The following EMC1 variants were observed in gnomAD, a reference collection of about 807,000 sequenced individuals.
EMC1 encodes the protein KIAA0090.
EMC1 carries 103 observed loss-of-function variants against 128.8 expected under a neutral mutation model. The ratio of observed to expected loss-of-function variants is 0.80; its 90% CI spans 0.68 to 0.94. The LOEUF (loss-of-function observed/expected upper bound fraction) is 0.94. Among genes scored for constraint, EMC1 ranks in the 40% least tolerant of loss-of-function variants. The probability of loss-of-function intolerance (pLI) is 0.00; values close to 1 mark genes in which losing one functional copy is unlikely to be tolerated. For missense variants in EMC1, 1,083 were observed against 1,250.6 expected (o/e 0.87, Z 2.02); for synonymous variants, 442 against 490.4 (o/e 0.90, Z 1.30).
At position 19,227,291 on chromosome 1, in the gene EMC1, C is replaced by G. The variant is rs184910940; in HGVS notation, c.2202+22G>C. 5.0e-6 allele frequency: 8 copies of G among 1,613,786 alleles called. 1 individual carries two copies. The East Asian group carries it at 1.6e-4, about 31-fold the overall frequency. ...CTGATTCGAAAGCCCTTGCTGTAGA[C>G]CAGACAGCTGGCTGTATGTACCTTG... On this transcript the variant is annotated intron_variant, in intron 18 of 22. Transcript: ENST00000477853.
chr1:19,236,566 G>C (rs138756544), intron 12 of EMC1, among the ~76,000 whole-genome samples: 447 of 150,778 alleles, frequency 3.0e-3, no homozygotes, highest in Non-Finnish European at 4.9e-3. Flanking sequence ...TGAGGCAGGA[G>C]AATCACTTAA....
At chr1:19,239,613 G>C (rs552377208) in intron 8 of EMC1, 73 of 595,592 alleles carry the variant, frequency 1.2e-4, no homozygotes, top group Non-Finnish European at 2.4e-5. Flanking sequence ...CACTAGTTTT[G>C]CTCTAAAGAT....
chr1:19,239,919 C>T lies in EMC1; in HGVS notation c.853G>A (p.Asp285Asn), dbSNP rs1428914211. The change falls in exon 8 of 23, where the codon GAC becomes AAC. Residue 285 changes from aspartate (D) to asparagine (N), a missense_variant. Transcript: ENST00000477853. The part of the protein sequence containing the change: ...RVLPTQPNPV[D>N]ASRAQFFLHL... ...AGGAAGAACTGGGCCCGGGAAGCGT[C>T]CACTGGGTTGGGCTGGGTAGGCAGG... is the stretch of plus-strand genomic sequence containing the variant. The T allele has an allele frequency of 9.3e-6, 15 of 1,614,084 alleles. No homozygotes were observed. The highest frequency in any genetic ancestry group is 1.1e-5 in the Non-Finnish European group (13 of 1,179,978).
intron 1 of EMC1, among the ~76,000 whole-genome samples, chr1:19,245,466 A>C (rs1219259850): frequency 1.3e-5 from 2 of 152,094 alleles, no homozygotes; most frequent in Non-Finnish European, 2.9e-5. Context: ...TTTGTTAGTG[A>C]AGAGCTCTGA....
intron 17 of EMC1, among the ~76,000 whole-genome samples, chr1:19,230,192 T>A (rs2093508997): frequency 1.3e-5 from 2 of 152,046 alleles, no homozygotes; most frequent in Non-Finnish European, 2.9e-5. Flanking sequence ...ATCATCTTCA[T>A]ATAAAAGTAC....
chr1:19,230,548 C>T (rs1415214263), intron 17 of EMC1, among the ~76,000 whole-genome samples: 3 of 151,290 alleles, frequency 2.0e-5, no homozygotes, highest in Admixed American at 6.6e-5. Context: ...CCAGCCCGGG[C>T]GACAGTGCAA....
At chr1:19,241,410 A>G (rs2093604863) in intron 5 of EMC1, among the ~76,000 whole-genome samples, 1 of 152,238 alleles carries the variant, frequency 6.6e-6, no homozygotes, top group Non-Finnish European at 1.5e-5. Context: ...ACAGAGCACC[A>G]ATCAGGTGGG....
rs994800826 is a variant in EMC1 at position 19,222,801 on chromosome 1, C to T, written c.2410G>A (p.Glu804Lys). The T allele has an allele frequency of 2.2e-5, 35 of 1,612,814 alleles. No homozygotes were observed. The highest frequency in any genetic ancestry group is 2.8e-5 in the Non-Finnish European group (33 of 1,179,190). Residue 804 changes from glutamate to lysine, a missense_variant, in exon 20 of 23, where the codon GAG (glutamate) becomes AAG (lysine). Physicochemically the swap from Glu to Lys is moderately conservative, Grantham distance 56. Around this residue, in one of 3 missense-constraint regions of EMC1, gnomAD observed 527 missense variants for 644.1 expected, o/e 0.82. Transcript: ENST00000477853. The part of the protein sequence containing the change: ...QYWNTKARRN[E>K]FTVLELYEGT... ...TCATAGAGCTCCAGTACGGTAAACTCGTTGCGCCGAGCCTTGGTGTTCCAG... is the reference window on the plus strand; with the variant it reads ...TCATAGAGCTCCAGTACGGTAAACTTGTTGCGCCGAGCCTTGGTGTTCCAG...
In EMC1 at chr1:19,227,476, A is replaced by G. The variant is rs138291577; in HGVS notation, c.2065-26T>C. 1.3e-4 allele frequency: 217 copies of G among 1,613,966 alleles called. No homozygotes were observed. In the African/African-American group the frequency reaches 2.4e-3, roughly 18 times the overall value. On this transcript the variant is annotated intron_variant, in intron 17 of 22. Transcript: ENST00000477853. ...CTAGGGCAGGGGCAAAAAAGCCTGT[A>G]ATCAGGAGGGTACACTTAGAACTGA...
chr1:19,219,534 A>G (rs773451001), intron 22 of EMC1, 35 bp downstream of exon 22: 2 of 1,613,996 alleles, frequency 1.2e-6, no homozygotes, highest in Non-Finnish European at 1.7e-6. Flanking sequence ...ATGATCCACC[A>G]AGGGTGAAAT....
chr1:19,250,061 T>A (rs1256554679), intron 1 of EMC1, among the ~76,000 whole-genome samples: 1 of 150,754 alleles, frequency 6.6e-6, no homozygotes. Flanking sequence ...CTACCAAAAA[T>A]ACAAAAATTA....
At chr1:19,224,031 C>T (rs2093452338) in intron 18 of EMC1, among the ~76,000 whole-genome samples, 1 of 152,216 alleles carries the variant, frequency 6.6e-6, no homozygotes, top group African/African-American at 2.4e-5. Context: ...ACTAGTACCA[C>T]GTGACGCAGG....
In EMC1 at chr1:19,218,188, A is replaced by C. The variant is rs1236156288; in HGVS notation, c.*1115T>G. On this transcript the variant is annotated 3_prime_UTR_variant, in exon 23 of 23. Coordinates refer to ENST00000477853, the MANE Select transcript of EMC1 (RefSeq NM_015047.3). ...TACATACATTTCACAACAAAGAAAA[A>C]TTCTGTCATTCCCCAACTCTATGAC... is the stretch of plus-strand genomic sequence containing the variant. 1 of 152,206 alleles carries C rather than the reference A, an allele frequency of 6.6e-6. No homozygotes were observed. Among genetic ancestry groups the C allele is most frequent in the Non-Finnish European group, 1.5e-5 (1 of 68,018 alleles). The allele number at this position is 152,206 out of a possible 1,614,324, so 9.4% of individuals were successfully genotyped here.
intron 5 of EMC1, 72 bp from the exon 6 acceptor site, chr1:19,241,214 G>A: frequency 6.4e-7 from 1 of 1,558,018 alleles, no homozygotes; most frequent in Non-Finnish European, 8.7e-7. Flanking sequence ...GGGCTGCCAG[G>A]CCTCAGCCAG....
intron 1 of EMC1, among the ~76,000 whole-genome samples, chr1:19,249,691 G>A (rs1056582745): frequency 2.7e-5 from 4 of 150,472 alleles, no homozygotes; most frequent in Non-Finnish European, 5.9e-5. Context: ...TTGGGAGGCC[G>A]AGGCAGCCAG....
chr1:19,234,232 C>T (rs2093546196), intron 13 of EMC1: 2 of 979,610 alleles, frequency 2.0e-6, no homozygotes, highest in Non-Finnish European at 2.4e-6. Flanking sequence ...CAAATTAATC[C>T]TCAGCTTAAG....
intron 5 of EMC1, 143 bp downstream of exon 5, chr1:19,242,202 A>G: frequency 4.9e-6 from 4 of 821,016 alleles, no homozygotes; most frequent in South Asian, 3.4e-5. Context: ...AGCCTTCAAG[A>G]TATTCTGAGT....
chr1:19,217,714 A>G lies in EMC1; in HGVS notation c.*1589T>C, dbSNP rs551009087. On this transcript the variant is annotated 3_prime_UTR_variant, in exon 23 of 23. Coordinates refer to ENST00000477853, the MANE Select transcript of EMC1 (RefSeq NM_015047.3). The stretch of plus-strand genomic sequence containing the variant: ...TCAGAATTCCAGCCAGGCTTTCTCA[A>G]AACTAGGGCAGAATTTTTTTTAACT... The G allele has an allele frequency of 6.6e-6, 1 of 152,308 alleles. No homozygotes were observed. The highest frequency in any genetic ancestry group is 2.4e-5 in the African/African-American group (1 of 41,576). The allele number at this position is 152,308 out of a possible 1,614,324, so 9.4% of individuals were successfully genotyped here. A position where few individuals can be genotyped will look rare whatever the true frequency, so the allele number is the denominator to read the frequency against.
At chr1:19,232,004 G>A (rs1164867157) in intron 15 of EMC1, among the ~76,000 whole-genome samples, 1 of 151,228 alleles carries the variant, frequency 6.6e-6, no homozygotes, top group African/African-American at 2.4e-5. Flanking sequence ...GCTCACACCT[G>A]TAATCCCAGT....
Sources: gnomAD v4.1 joint callset for allele counts (sites outside exome capture counted in the v4.1 genomes callset) on GRCh38, gnomAD v4.1.1 for gene constraint, gnomAD v4.1.1 regional missense constraint, MANE v1.5 for transcripts, NCBI Gene and HGNC (gene_info 2026-07-23, HGNC 2026-07-21) for gene names.